Variants in FIP1L1 observed in about 807,000 individuals in gnomAD.
FIP1L1 encodes pre-mRNA 3'-end-processing factor FIP1.
FIP1L1 carries 21 observed loss-of-function variants against 84.6 expected under a neutral mutation model. That is an observed-to-expected ratio of 0.25 (90% CI 0.18 to 0.36). FIP1L1 has a LOEUF of 0.36. Ranked by LOEUF, FIP1L1 falls within the 10% of genes least tolerant of loss-of-function variation. FIP1L1 has a pLI of 1.00. For synonymous variants in FIP1L1, 263 were observed against 242.3 expected (o/e 1.09, Z -0.80); for missense variants, 526 against 751.1 (o/e 0.70, Z 3.50).
At chr4:53,427,955 G>A (rs112387986) in intron 12 of FIP1L1, 72 bp from the exon 13 acceptor site, 10 of 1,247,268 alleles carry the variant, frequency 8.0e-6, no homozygotes, top group African/African-American at 6.1e-5. Flanking sequence ...TAGATTAAAT[G>A]AAATTAATTT....
At chr4:53,404,468 A>T (rs1337691391) in intron 10 of FIP1L1, among the ~76,000 whole-genome samples, 1 of 152,088 alleles carries the variant, frequency 6.6e-6, no homozygotes, top group African/African-American at 2.4e-5. Flanking sequence ...GCTGCAATAG[A>T]CATACGTGTG....
chr4:53,379,437 C>T (rs568098579), intron 3 of FIP1L1, among the ~76,000 whole-genome samples, 173 bp downstream of exon 3: 4 of 152,282 alleles, frequency 2.6e-5, no homozygotes, highest in South Asian at 2.1e-4. Context: ...CCTAATCTTA[C>T]GCCAATTCTA....
intron 16 of FIP1L1, among the ~76,000 whole-genome samples, 194 bp downstream of exon 16, chr4:53,453,327 A>G (rs1323461345): frequency 6.6e-6 from 1 of 152,164 alleles, no homozygotes; most frequent in Non-Finnish European, 1.5e-5. Context: ...TTGTTTGTTT[A>G]CTTATCTCTT....
chr4:53,419,531 A>G (rs1242057693), intron 11 of FIP1L1, among the ~76,000 whole-genome samples: 1 of 152,048 alleles, frequency 6.6e-6, no homozygotes, highest in East Asian at 1.9e-4. Flanking sequence ...AACTCGAACT[A>G]CCAGGCTCAA....
intron 15 of FIP1L1, among the ~76,000 whole-genome samples, chr4:53,445,954 C>T (rs575400627): frequency 3.9e-5 from 6 of 152,196 alleles, no homozygotes; most frequent in South Asian, 2.1e-4. Flanking sequence ...GTCATGTACT[C>T]AATACCATTG....
chr4:53,392,504 C>T (rs1744786632), intron 9 of FIP1L1, among the ~76,000 whole-genome samples: 1 of 152,150 alleles, frequency 6.6e-6, no homozygotes, highest in South Asian at 2.1e-4. Context: ...GTGATGATGT[C>T]TGTTGTGTTT....
rs191997259 is a variant in FIP1L1, at chr4:53,454,109, A to T, written c.1499+976A>T. Reference sequence around the variant, plus strand: ...ATTTTTCTTGTATGTGTTTTAAAAAATTTTCATCCTGATTTTAGTTATTTA... The same window carrying T: ...ATTTTTCTTGTATGTGTTTTAAAAATTTTTCATCCTGATTTTAGTTATTTA... On this transcript the variant is annotated intron_variant, in intron 16 of 17. Transcript: ENST00000337488. Among the ~76,000 whole-genome samples the T allele has an allele frequency of 4.1e-3, 626 of 152,272 alleles. 3 individuals are homozygous for T. The highest frequency in any genetic ancestry group is 0.015 in the African/African-American group (604 of 41,544).
chr4:53,393,773 C>G lies in FIP1L1; in HGVS notation c.705+2275C>G, dbSNP rs1251446810. Among the ~76,000 whole-genome samples, 7 of 64,670 alleles carry G rather than the reference C, an allele frequency of 1.1e-4. No individual in the cohort carries two copies. In the East Asian group the frequency reaches 4.1e-3, roughly 38 times the overall value. 42.4% of individuals were successfully genotyped at this position (64,670 alleles called of 152,430 possible). A position where few individuals can be genotyped will look rare whatever the true frequency, so the allele number is the denominator to read the frequency against. On this transcript the variant is annotated intron_variant, in intron 9 of 17. Coordinates refer to ENST00000337488, the MANE Select transcript of FIP1L1 (RefSeq NM_030917.4). ...ATAGATTTTCCCCCCGGCCCCCCCC[C>G]CCCCCCCCGCCCCCGGCTGTGAATG...
At chr4:53,410,613 CATAAA>C (rs971391993) in intron 10 of FIP1L1, among the ~76,000 whole-genome samples, 4 of 151,964 alleles carry the variant, frequency 2.6e-5, no homozygotes, top group African/African-American at 9.7e-5. Context: ...CTAAAATAAA[CATAAA>C]ATAAACAGCA....
intron 13 of FIP1L1, among the ~76,000 whole-genome samples, chr4:53,430,402 G>T (rs1049424697): frequency 4.4e-5 from 6 of 135,064 alleles, no homozygotes; most frequent in Non-Finnish European, 9.1e-5. Context: ...AGGCTGGAGT[G>T]CAGTGGTGCG....
At chr4:53,436,759 T>C (rs1769394439) in intron 13 of FIP1L1, among the ~76,000 whole-genome samples, 1 of 152,226 alleles carries the variant, frequency 6.6e-6, no homozygotes, top group Admixed American at 6.5e-5. Context: ...ATTTTTAGTA[T>C]GGGTAAATTC....
intron 14 of FIP1L1, 48 bp from the exon 15 acceptor site, chr4:53,444,000 C>A: frequency 7.4e-7 from 1 of 1,353,128 alleles, no homozygotes; most frequent in South Asian, 1.3e-5. Context: ...TATTAAAATT[C>A]AGAACTTATT....
chr4:53,406,803 G>A (rs1269473304), intron 10 of FIP1L1, among the ~76,000 whole-genome samples: 12 of 152,202 alleles, frequency 7.9e-5, no homozygotes, highest in Non-Finnish European at 1.6e-4. Context: ...GCGTAGAAGT[G>A]TTTGTAGTAT....
At chr4:53,435,107 A>G (rs1351869341) in intron 13 of FIP1L1, among the ~76,000 whole-genome samples, 2 of 152,164 alleles carry the variant, frequency 1.3e-5, no homozygotes, top group African/African-American at 4.8e-5. Context: ...TGAAAACTGT[A>G]TTTATTCTTG....
At chr4:53,406,245 C>A (rs1161028625) in intron 10 of FIP1L1, among the ~76,000 whole-genome samples, 1 of 152,126 alleles carries the variant, frequency 6.6e-6, no homozygotes, top group South Asian at 2.1e-4. Flanking sequence ...TGTCAAAGGC[C>A]TTTTCTGCAT....
intron 10 of FIP1L1, among the ~76,000 whole-genome samples, chr4:53,412,951 T>C (rs1313517080): frequency 6.6e-6 from 1 of 152,168 alleles, no homozygotes; most frequent in African/African-American, 2.4e-5. Flanking sequence ...AAAAATGAGC[T>C]TTCCCACTCC....
intron 11 of FIP1L1, among the ~76,000 whole-genome samples, chr4:53,422,710 G>GTA (rs201968509): frequency 2.0e-5 from 3 of 149,996 alleles, no homozygotes; most frequent in Non-Finnish European, 3.0e-5. Context: ...ATATATATAT[G>GTA]TATATATATA....
In FIP1L1 at chr4:53,458,806, A is replaced by T. The variant is rs2150504689; in HGVS notation, c.1637+16A>T. ...CTTCTCGAAGGTTTGCTCTTTAATA[A>T]AATAGTGAACCAATAGTATGTGAGA... On this transcript the variant is annotated intron_variant, in intron 17 of 17. Transcript: ENST00000337488. The T allele has an allele frequency of 6.2e-7, 1 of 1,607,772 alleles. No homozygotes were observed. Among genetic ancestry groups the T allele is most frequent in the East Asian group, 2.2e-5 (1 of 44,656 alleles).
intron 11 of FIP1L1, among the ~76,000 whole-genome samples, chr4:53,420,017 C>A (rs1761514628): frequency 6.6e-6 from 1 of 151,396 alleles, no homozygotes; most frequent in Non-Finnish European, 1.5e-5. Context: ...GACCACGGTG[C>A]AACCCCGTCT....
Sources: gnomAD v4.1 joint callset for allele counts (sites outside exome capture counted in the v4.1 genomes callset) on GRCh38, gnomAD v4.1.1 for gene constraint, MANE v1.5 for transcripts, NCBI Gene and HGNC (gene_info 2026-07-23, HGNC 2026-07-21) for gene names.